The following DNAH9 variants were observed in gnomAD, a reference collection of about 807,000 sequenced individuals.
DNAH9 encodes the protein dynein axonemal heavy chain 9, also known as DNAH9 variant protein.
DNAH9 carries 345 observed loss-of-function variants against 471.6 expected under a neutral mutation model. That is an observed-to-expected ratio of 0.73 (90% CI 0.67 to 0.80). The LOEUF is 0.80. Among genes scored for constraint, DNAH9 ranks in the 30% least tolerant of loss-of-function variants. The probability of loss-of-function intolerance (pLI) is 0.00; values close to 1 mark genes in which losing one functional copy is unlikely to be tolerated. For synonymous variants in DNAH9, 2,093 were observed against 2,123.6 expected (o/e 0.99, Z 0.40); for missense variants, 5,407 against 5,609.2 (o/e 0.96, Z 1.15).
chr17:11,808,127 G>A (rs756230720), intron 44 of DNAH9, among the ~76,000 whole-genome samples: 1 of 152,172 alleles, frequency 6.6e-6, no homozygotes, highest in Admixed American at 6.5e-5. Context: ...TCCTAGTTAC[G>A]TCTGTGGGGC....
At chr17:11,635,535 G>A (rs2073146527) in intron 8 of DNAH9, among the ~76,000 whole-genome samples, 1 of 152,044 alleles carries the variant, frequency 6.6e-6, no homozygotes, top group African/African-American at 2.4e-5. Flanking sequence ...GCACTGAGCA[G>A]TTTTGGGCAG....
chr17:11,861,762 T>G (rs1031807419), intron 50 of DNAH9, among the ~76,000 whole-genome samples: 2 of 152,242 alleles, frequency 1.3e-5, no homozygotes, highest in African/African-American at 4.8e-5. Flanking sequence ...GATTTTCATT[T>G]CTCTGATGGC....
intron 14 of DNAH9, among the ~76,000 whole-genome samples, chr17:11,655,363 TG>T (rs1263710956): frequency 5.7e-4 from 84 of 148,312 alleles, no homozygotes; most frequent in Admixed American, 3.4e-4. Flanking sequence ...TGTGTGTGTG[TG>T]TGTGTGTGTG....
intron 49 of DNAH9, among the ~76,000 whole-genome samples, chr17:11,852,590 G>A (rs1473975721): frequency 3.3e-5 from 5 of 151,824 alleles, no homozygotes; most frequent in Non-Finnish European, 7.4e-5. Flanking sequence ...TTCTTCAGAT[G>A]GAAGGTGCAA....
chr17:11,801,218 A>G (rs561544489), intron 43 of DNAH9, among the ~76,000 whole-genome samples: 59 of 152,330 alleles, frequency 3.9e-4, no homozygotes, highest in Middle Eastern at 6.8e-3. Context: ...CAATAGTGCA[A>G]TCTGGCTCCA....
At chr17:11,861,848 C>T (rs1296140446) in intron 50 of DNAH9, among the ~76,000 whole-genome samples, 3 of 151,108 alleles carry the variant, frequency 2.0e-5, no homozygotes, top group Admixed American at 6.6e-5. Context: ...TGTTCATGTC[C>T]TTTGCCCACT....
intron 35 of DNAH9, among the ~76,000 whole-genome samples, chr17:11,760,180 C>T (rs532305534): frequency 5.9e-5 from 9 of 152,302 alleles, no homozygotes; most frequent in Non-Finnish European, 1.3e-4. Context: ...TCCATGACTT[C>T]GCTATTGTGA....
chr17:11,878,085 G>C (rs1972571207), intron 53 of DNAH9, among the ~76,000 whole-genome samples: 1 of 152,046 alleles, frequency 6.6e-6, no homozygotes, highest in Non-Finnish European at 1.5e-5. Context: ...TCCAACCCTG[G>C]CCTTCTCCCG....
At chr17:11,680,581 G>T in intron 18 of DNAH9, 142 bp from the exon 19 acceptor site, 1 of 667,194 alleles carries the variant, frequency 1.5e-6, no homozygotes, top group Non-Finnish European at 2.5e-6. Flanking sequence ...AGGGCAGATT[G>T]TAGGGAATGG....
At chr17:11,654,286 G>A (rs954281319) in intron 14 of DNAH9, among the ~76,000 whole-genome samples, 2 of 89,186 alleles carry the variant, frequency 2.2e-5, no homozygotes, top group African/African-American at 7.6e-5. Flanking sequence ...AACCCGGGAG[G>A]CGGAGCTTGC....
chr17:11,870,433 C>T (rs778232423), intron 51 of DNAH9, among the ~76,000 whole-genome samples: 35 of 152,308 alleles, frequency 2.3e-4, no homozygotes, highest in South Asian at 4.1e-4. Context: ...GACATTTATT[C>T]CAGCCACCAC....
In DNAH9 at chr17:11,756,820, G is replaced by C. The variant is rs373969517; in HGVS notation, c.6847+144G>C. 1.7e-5 allele frequency: 11 copies of C among 635,710 alleles called. No individual in the cohort carries two copies. The East Asian group carries it at 1.9e-4, about 11-fold the overall frequency. 39.4% of individuals were successfully genotyped at this position (635,710 alleles called of 1,614,324 possible). On this transcript the variant is annotated intron_variant, in intron 34 of 68. Transcript: ENST00000262442. The stretch of plus-strand genomic sequence containing the variant: ...GCAGTTTTGTGAATTTGGAAATGTT[G>C]TGGTAATAAGAAGGGAAATGGCTTT...
chr17:11,895,329 C>T (rs1178605963), intron 59 of DNAH9, among the ~76,000 whole-genome samples: 6 of 152,198 alleles, frequency 3.9e-5, no homozygotes, highest in African/African-American at 1.4e-4. Flanking sequence ...ACACCCATGA[C>T]GGGTTTCAGC....
In DNAH9 at chr17:11,690,152, T is replaced by C. The variant is rs1401780780; in HGVS notation, c.4330T>C (p.Trp1444Arg). 6.2e-7 allele frequency: 1 copy of C among 1,614,200 alleles called. No homozygotes were observed. The highest frequency in any genetic ancestry group is 1.7e-5 in the Admixed American group (1 of 60,022). ...AACCTTAAAGGAGCTGCAGACTACCTGGGCTGGCATGGAATTCCAGTATGA... is the reference window on the plus strand; with the variant it reads ...AACCTTAAAGGAGCTGCAGACTACCCGGGCTGGCATGGAATTCCAGTATGA... ...EKTLKELQTTWAGMEFQYEPH... is the reference protein window; with the variant it reads ...EKTLKELQTTRAGMEFQYEPH... Residue 1444 changes from tryptophan to arginine, a missense_variant, in exon 20 of 69, where the codon TGG becomes CGG. By Grantham distance (101) the Trp-to-Arg change is moderately radical. Around this residue, in one of 3 missense-constraint regions of DNAH9, gnomAD observed 4,636 missense variants for 4,900.3 expected, o/e 0.95. Coordinates refer to ENST00000262442, the MANE Select transcript of DNAH9 (RefSeq NM_001372.4).
At chr17:11,708,982 C>T (rs1270865575) in intron 26 of DNAH9, among the ~76,000 whole-genome samples, 4 of 152,144 alleles carry the variant, frequency 2.6e-5, no homozygotes, top group African/African-American at 9.7e-5. Flanking sequence ...TGTGCCCGGC[C>T]TTCAGAATAT....
rs190790486 is a variant in DNAH9 at position 11,957,489 on chromosome 17, A to G, written c.12844-4378A>G. 1.1e-4 allele frequency among the ~76,000 whole-genome samples: 16 copies of G among 151,938 alleles called. No individual in the cohort carries two copies. In the East Asian group the frequency reaches 1.8e-3, roughly 17 times the overall value. On this transcript the variant is annotated intron_variant, in intron 67 of 68. Coordinates refer to ENST00000262442, the MANE Select transcript of DNAH9 (RefSeq NM_001372.4). ...ATGTAGAGAGGAATGAAGACTATCT[A>G]TGAACCTCAGGACCCAAGAAGGGAC...
At position 11,962,464 on chromosome 17, in the gene DNAH9, A is replaced by G. The variant is rs1352068629; in HGVS notation, c.13233+208A>G. Among the ~76,000 whole-genome samples, 1 of 152,242 alleles carries G rather than the reference A, an allele frequency of 6.6e-6. No individual in the cohort carries two copies. Among genetic ancestry groups the G allele is most frequent in the Non-Finnish European group, 1.5e-5 (1 of 68,034 alleles). On this transcript the variant is annotated intron_variant, in intron 68 of 68. Coordinates refer to ENST00000262442, the MANE Select transcript of DNAH9 (RefSeq NM_001372.4). The surrounding 1 kb of genome is among the most constrained non-coding windows in gnomAD (Gnocchi z 4.1). ...CAGAGGCAGTAGAGTGGAGAGGTTAATAGCAAGGGCTTTGGAACCAGACTG... is the reference window on the plus strand; with the variant it reads ...CAGAGGCAGTAGAGTGGAGAGGTTAGTAGCAAGGGCTTTGGAACCAGACTG...
chr17:11,792,495 T>C (rs1044975073), intron 41 of DNAH9, among the ~76,000 whole-genome samples: 5 of 152,218 alleles, frequency 3.3e-5, no homozygotes, highest in Non-Finnish European at 5.9e-5. Context: ...GGCTCTAACA[T>C]TGGTGGTCTC....
At chr17:11,945,788 G>A (rs1204365836) in intron 67 of DNAH9, among the ~76,000 whole-genome samples, 2 of 152,124 alleles carry the variant, frequency 1.3e-5, no homozygotes, top group Non-Finnish European at 2.9e-5. Flanking sequence ...GCCGGGCGCA[G>A]TGGCTCACGC....
Sources: allele counts gnomAD v4.1 joint callset (sites outside exome capture counted in the v4.1 genomes callset), GRCh38; gene constraint gnomAD v4.1.1; regional missense constraint gnomAD v4.1.1; non-coding constraint Gnocchi (gnomAD v3.1); transcripts MANE v1.5; gene names NCBI Gene and HGNC (gene_info 2026-07-23, HGNC 2026-07-21).